Variants in PRKN observed in about 807,000 individuals in gnomAD.
PRKN encodes parkin RBR E3 ubiquitin protein ligase, also known as E3 ubiquitin-protein ligase parkin.
In PRKN, 56 loss-of-function variants were observed where a neutral mutation model predicts 59.5. That is an observed-to-expected ratio of 0.94 (90% confidence interval 0.76 to 1.18). PRKN has a LOEUF of 1.18. Ranked by LOEUF, PRKN falls within the 50% of genes most tolerant of loss-of-function variation. The probability of loss-of-function intolerance (pLI) is 0.00; values close to 1 mark genes in which losing one functional copy is unlikely to be tolerated. For missense variants in PRKN, 657 were observed against 596.4 expected, an observed-to-expected ratio of 1.10 and a Z score of -1.06; for synonymous variants, 250 against 222.1, an observed-to-expected ratio of 1.13 and a Z score of -1.12.
At chr6:162,129,045 T>C (rs1482314184) in intron 4 of PRKN, among the ~76,000 whole-genome samples, 1 of 152,198 alleles carries the variant, frequency 6.6e-6, no homozygotes, top group Non-Finnish European at 1.5e-5. Context: ...ACCAACATTT[T>C]GAGAATCATC....
intron 7 of PRKN, among the ~76,000 whole-genome samples, chr6:161,640,871 T>C (rs923661984): frequency 6.6e-6 from 1 of 152,212 alleles, no homozygotes; most frequent in African/African-American, 2.4e-5. Context: ...GTTTAAAGGG[T>C]GCTGTGCTGA....
intron 6 of PRKN, among the ~76,000 whole-genome samples, chr6:161,801,656 C>G (rs918180601): frequency 6.6e-6 from 1 of 152,128 alleles, no homozygotes; most frequent in African/African-American, 2.4e-5. Flanking sequence ...TGAAAATAAT[C>G]GAACGGGCCT....
intron 4 of PRKN, among the ~76,000 whole-genome samples, chr6:162,152,993 G>C (rs1188814755): frequency 6.6e-6 from 1 of 152,192 alleles, no homozygotes; most frequent in African/African-American, 2.4e-5. Flanking sequence ...AGTCGATGAT[G>C]TTCAAAAATA....
At chr6:162,516,953 T>C (rs1777887299) in intron 1 of PRKN, among the ~76,000 whole-genome samples, 1 of 151,920 alleles carries the variant, frequency 6.6e-6, no homozygotes, top group Non-Finnish European at 1.5e-5. Flanking sequence ...AGTGACTATC[T>C]AAAAAGTGAG....
intron 9 of PRKN, among the ~76,000 whole-genome samples, chr6:161,469,540 CAAGAGA>C (rs1405711710): frequency 8.9e-5 from 12 of 134,304 alleles, no homozygotes; most frequent in African/African-American, 2.8e-4. Flanking sequence ...GTCCAGTGAA[CAAGAGA>C]AAGAGAGAGA....
intron 3 of PRKN, among the ~76,000 whole-genome samples, chr6:162,220,846 G>A (rs1777896951): frequency 6.6e-6 from 1 of 152,212 alleles, no homozygotes. Context: ...TGCAGTGAAA[G>A]AAACAGGCAT....
chr6:162,538,459 C>G (rs750467703), intron 1 of PRKN, among the ~76,000 whole-genome samples: 3 of 151,702 alleles, frequency 2.0e-5, no homozygotes, highest in Non-Finnish European at 4.4e-5. Context: ...GGCAACACAA[C>G]TTAAAAAACC....
intron 10 of PRKN, among the ~76,000 whole-genome samples, chr6:161,374,182 G>T (rs1036612062): frequency 6.6e-6 from 1 of 152,072 alleles, no homozygotes; most frequent in Non-Finnish European, 1.5e-5. Flanking sequence ...TGTGAGTGGC[G>T]AGTGTGTGCA....
intron 6 of PRKN, among the ~76,000 whole-genome samples, chr6:161,824,574 T>C (rs1402399603): frequency 1.3e-5 from 2 of 152,182 alleles, no homozygotes; most frequent in East Asian, 3.9e-4. Flanking sequence ...ATCGGAAACA[T>C]CTCAAACCAA....
At chr6:162,671,057 A>T (rs1779298436) in intron 1 of PRKN, among the ~76,000 whole-genome samples, 1 of 152,234 alleles carries the variant, frequency 6.6e-6, no homozygotes. Context: ...GGAATAACCA[A>T]GTATAATCTT....
intron 2 of PRKN, among the ~76,000 whole-genome samples, chr6:162,364,462 C>T (rs1281534672): frequency 6.6e-6 from 1 of 151,826 alleles, no homozygotes; most frequent in African/African-American, 2.4e-5. Context: ...AGTAAAATGT[C>T]CCCCAAATAA....
At chr6:162,116,879 T>C (rs1415809492) in intron 4 of PRKN, among the ~76,000 whole-genome samples, 1 of 152,160 alleles carries the variant, frequency 6.6e-6, no homozygotes, top group African/African-American at 2.4e-5. Flanking sequence ...ACTGCAAAGA[T>C]CAAATAATAA....
At chr6:161,885,678 AAAAAAG>A in intron 6 of PRKN, among the ~76,000 whole-genome samples, 1 of 151,340 alleles carries the variant, frequency 6.6e-6, no homozygotes, top group African/African-American at 2.4e-5. Flanking sequence ...AAAAAAAAAA[AAAAAAG>A]AATGTCTGAG....
At chr6:161,597,097 G>A (rs972685984) in intron 7 of PRKN, among the ~76,000 whole-genome samples, 6 of 152,166 alleles carry the variant, frequency 3.9e-5, no homozygotes, top group East Asian at 1.9e-4. Context: ...TGGGCCTCAC[G>A]CTTTTCTTCC....
intron 7 of PRKN, among the ~76,000 whole-genome samples, chr6:161,771,850 A>G (rs1789707016): frequency 6.6e-6 from 1 of 152,174 alleles, no homozygotes; most frequent in Non-Finnish European, 1.5e-5. Flanking sequence ...TTGGAACCAA[A>G]CAGTATAAAC....
intron 7 of PRKN, among the ~76,000 whole-genome samples, chr6:161,785,283 T>C (rs1230896643): frequency 6.6e-6 from 1 of 152,206 alleles, no homozygotes; most frequent in Non-Finnish European, 1.5e-5. Context: ...GTAATAACAG[T>C]ATAGTACAAG....
chr6:161,803,560 C>T (rs1264776065), intron 6 of PRKN, among the ~76,000 whole-genome samples: 3 of 152,140 alleles, frequency 2.0e-5, no homozygotes, highest in East Asian at 1.9e-4. Flanking sequence ...ATTCACTGCC[C>T]GAAGCAGGGC....
At chr6:162,368,232 G>A in intron 2 of PRKN, among the ~76,000 whole-genome samples, 1 of 152,182 alleles carries the variant, frequency 6.6e-6, no homozygotes, top group Middle Eastern at 3.4e-3. Context: ...AGCATATCTG[G>A]GTGTCTACAC....
intron 9 of PRKN, among the ~76,000 whole-genome samples, chr6:161,524,917 G>A (rs1778963803): frequency 6.6e-6 from 1 of 152,146 alleles, no homozygotes; most frequent in Non-Finnish European, 1.5e-5. Flanking sequence ...GCTGGCTGCT[G>A]TCCTTGCATC....
Sources: allele counts gnomAD v4.1 joint callset (sites outside exome capture counted in the v4.1 genomes callset), GRCh38; gene constraint gnomAD v4.1.1; transcripts MANE v1.5; gene names NCBI Gene and HGNC (gene_info 2026-07-23, HGNC 2026-07-21).